The following ANKRD6 variants were observed in gnomAD, a reference collection of about 807,000 sequenced individuals.
ANKRD6 encodes the protein ankyrin repeat domain 6.
In ANKRD6, 56 loss-of-function variants were observed where a neutral mutation model predicts 82.3. The observed-to-expected ratio is 0.68, with a 90% CI of 0.55 to 0.85. The LOEUF is 0.85. ANKRD6 is among the 40% of genes least tolerant of loss of function. The probability of loss-of-function intolerance (pLI) is 0.00; values close to 1 mark genes in which losing one functional copy is unlikely to be tolerated. For synonymous variants in ANKRD6, 347 were observed against 352.1 expected (o/e 0.99, Z 0.16); for missense variants, 852 against 907.6 (o/e 0.94, Z 0.79).
chr6:89,440,766 A>G (rs1044259271), intron 1 of ANKRD6, among the ~76,000 whole-genome samples: 6 of 151,706 alleles, frequency 4.0e-5, no homozygotes, highest in South Asian at 4.2e-4. Context: ...ATGAATAGCC[A>G]CTGCACTCCA....
At chr6:89,584,657 T>C (rs1179229548) in intron 2 of ANKRD6, among the ~76,000 whole-genome samples, 1 of 152,242 alleles carries the variant, frequency 6.6e-6, no homozygotes, top group Admixed American at 6.5e-5. Flanking sequence ...GTAAGAATTA[T>C]AAACTATGAT....
At chr6:89,630,115 A>G (rs1584020266) in intron 15 of ANKRD6, among the ~76,000 whole-genome samples, 1 of 152,188 alleles carries the variant, frequency 6.6e-6, no homozygotes, top group African/African-American at 2.4e-5. Flanking sequence ...GCATCAGGAA[A>G]CAGGACCAGA....
chr6:89,610,144 T>C (rs1563052358), intron 5 of ANKRD6, among the ~76,000 whole-genome samples: 1 of 152,170 alleles, frequency 6.6e-6, no homozygotes, highest in Non-Finnish European at 1.5e-5. Context: ...TTTTGAGATA[T>C]AGGTATGAAG....
intron 1 of ANKRD6, among the ~76,000 whole-genome samples, chr6:89,546,347 T>C (rs750060787): frequency 6.6e-6 from 1 of 152,180 alleles, no homozygotes; most frequent in South Asian, 2.1e-4. Context: ...AGTCAGAATC[T>C]TTCATATATA....
intron 1 of ANKRD6, among the ~76,000 whole-genome samples, chr6:89,513,848 G>T (rs976050713): frequency 3.9e-5 from 6 of 152,158 alleles, no homozygotes; most frequent in Admixed American, 3.3e-4. Flanking sequence ...CCTATTTATG[G>T]CATGGCAAAG....
At chr6:89,569,373 C>T (rs960102637) in intron 2 of ANKRD6, among the ~76,000 whole-genome samples, 3 of 152,180 alleles carry the variant, frequency 2.0e-5, no homozygotes, top group African/African-American at 7.2e-5. Context: ...TCTGACTTCT[C>T]TCACTTAGCA....
At chr6:89,565,075 G>A (rs1464067394) in intron 1 of ANKRD6, among the ~76,000 whole-genome samples, 1 of 152,210 alleles carries the variant, frequency 6.6e-6, no homozygotes, top group African/African-American at 2.4e-5. Flanking sequence ...TAGTGTAACG[G>A]TCTGGGAAAG....
intron 5 of ANKRD6, among the ~76,000 whole-genome samples, chr6:89,606,833 G>C (rs1388197543): frequency 6.7e-6 from 1 of 149,796 alleles, no homozygotes; most frequent in African/African-American, 2.5e-5. Context: ...TCCAGCCTGG[G>C]CACAGAGTGA....
At chr6:89,624,347 T>TA (rs1195025831) in intron 12 of ANKRD6, 192 bp from the exon 13 acceptor site, 1 of 714,726 alleles carries the variant, frequency 1.4e-6, no homozygotes, top group Admixed American at 2.9e-5. Context: ...GACCATATCT[T>TA]ACCCTCTGAA....
chr6:89,520,837 C>T (rs545973788), intron 1 of ANKRD6, among the ~76,000 whole-genome samples: 1 of 152,242 alleles, frequency 6.6e-6, no homozygotes, highest in South Asian at 2.1e-4. Context: ...CATGGTGGCT[C>T]ACACTTGTAA....
At chr6:89,535,266 G>A (rs369495943) in intron 1 of ANKRD6, among the ~76,000 whole-genome samples, 6 of 152,298 alleles carry the variant, frequency 3.9e-5, no homozygotes, top group Non-Finnish European at 7.3e-5. Flanking sequence ...TTAAATGTTT[G>A]CAAGTGGTAA....
intron 1 of ANKRD6, among the ~76,000 whole-genome samples, chr6:89,511,591 G>A (rs1319928724): frequency 6.6e-6 from 1 of 152,176 alleles, no homozygotes; most frequent in Non-Finnish European, 1.5e-5. Flanking sequence ...TTTCTAATCT[G>A]TAGAATGGGC....
intron 5 of ANKRD6, 129 bp from the exon 6 acceptor site, chr6:89,612,143 A>C (rs1015732920): frequency 1.3e-6 from 1 of 754,380 alleles, no homozygotes; most frequent in Non-Finnish European, 2.1e-6. Flanking sequence ...CACTGAAACC[A>C]TCGGGCAAGA....
chr6:89,592,847 G>T (rs1795167880), intron 2 of ANKRD6, among the ~76,000 whole-genome samples: 1 of 152,138 alleles, frequency 6.6e-6, no homozygotes, highest in African/African-American at 2.4e-5. Context: ...CCAGCACTTT[G>T]GGAGGCTGAG....
chr6:89,506,407 C>G (rs1221281392), intron 1 of ANKRD6, among the ~76,000 whole-genome samples: 1 of 152,132 alleles, frequency 6.6e-6, no homozygotes, highest in Non-Finnish European at 1.5e-5. Context: ...CTCCACCTCC[C>G]GGGTTCAAGC....
At chr6:89,435,379 T>G (rs1013350165) in intron 1 of ANKRD6, among the ~76,000 whole-genome samples, 3 of 152,170 alleles carry the variant, frequency 2.0e-5, no homozygotes, top group African/African-American at 7.2e-5. Flanking sequence ...AAGGAACCAC[T>G]ATTCTGGATG....
intron 1 of ANKRD6, among the ~76,000 whole-genome samples, chr6:89,466,333 C>T (rs890305417): frequency 6.6e-6 from 1 of 152,114 alleles, no homozygotes; most frequent in Non-Finnish European, 1.5e-5. Flanking sequence ...AGGTTACTTT[C>T]CTTGAAGAGA....
chr6:89,543,600 A>T (rs954038863), intron 1 of ANKRD6, among the ~76,000 whole-genome samples: 3 of 152,178 alleles, frequency 2.0e-5, no homozygotes, highest in Admixed American at 2.0e-4. Flanking sequence ...TAGGTGGTAG[A>T]AGGTTCTTTT....
intron 1 of ANKRD6, among the ~76,000 whole-genome samples, chr6:89,461,959 C>T (rs1774202184): frequency 6.6e-6 from 1 of 152,080 alleles, no homozygotes; most frequent in African/African-American, 2.4e-5. Context: ...GGGCCGGGCA[C>T]AGTGGCTCAC....
Sources: allele counts gnomAD v4.1 joint callset (sites outside exome capture counted in the v4.1 genomes callset), GRCh38; gene constraint gnomAD v4.1.1; transcripts MANE v1.5; gene names NCBI Gene and HGNC (gene_info 2026-07-23, HGNC 2026-07-21).